ABHD2: variants seen among roughly 807,000 people sequenced by gnomAD.
ABHD2 encodes the protein abhydrolase domain containing 2, acylglycerol lipase, also known as monoacylglycerol lipase ABHD2.
Under a neutral mutation model 48.1 loss-of-function variants are expected in ABHD2, and 20 were observed. The ratio of observed to expected loss-of-function variants is 0.42; its 90% CI spans 0.29 to 0.60. ABHD2 has a LOEUF of 0.60. Among genes scored for constraint, ABHD2 ranks in the 20% least tolerant of loss-of-function variants. The pLI is 0.24. For missense variants in ABHD2, 405 were observed against 550.9 expected (o/e 0.74, Z 2.65); for synonymous variants, 209 against 214.2 (o/e 0.98, Z 0.21).
intron 2 of ABHD2, among the ~76,000 whole-genome samples, chr15:89,115,437 A>T (rs1303096091): frequency 6.9e-6 from 1 of 144,916 alleles, no homozygotes; most frequent in East Asian, 2.1e-4. Flanking sequence ...TGTGTTTTGT[A>T]TATAAGGTAA....
the ABHD2 span, among the ~76,000 whole-genome samples, chr15:89,043,625 AAGGAGG>A: frequency 2.3e-5 from 3 of 131,038 alleles, no homozygotes; most frequent in Non-Finnish European, 4.9e-5. Flanking sequence ...GAGGAGGCGG[AAGGAGG>A]AGGAGGAGGA....
chr15:89,100,867 C>CA lies in ABHD2; in HGVS notation c.-107+12313dup, dbSNP rs965830799. ...TGGGCCACAGTGAGAGACTCCATCT[C>CA]AAAAAAAAAGGAACCTTATTTTATA... On this transcript the variant is annotated intron_variant, in intron 1 of 10. Coordinates refer to ENST00000352732, the MANE Select transcript of ABHD2 (RefSeq NM_152924.5). The surrounding 1 kb of genome is among the most constrained non-coding windows in gnomAD (Gnocchi z 4.4). Among the ~76,000 whole-genome samples the CA allele has an allele frequency of 6.0e-5, 9 of 148,842 alleles. No individual in the cohort carries two copies. Among genetic ancestry groups the CA allele is most frequent in the Admixed American group, 3.3e-4 (5 of 15,032 alleles).
Position 89,195,105 on chromosome 15 carries a change from T to C in ABHD2, c.1082-122T>C, listed in dbSNP as rs1204952126. On this transcript the variant is annotated intron_variant, in intron 10 of 10. Coordinates refer to ENST00000352732, the MANE Select transcript of ABHD2 (RefSeq NM_152924.5). This position sits in a 1 kb window ranked among gnomAD's most constrained non-coding sequence, Gnocchi z 5.1. ...TGAACAAGGCAGAGTGAGTAGAGGTTGGATGCCCACTTAGGTGACCCTGCG... is the reference window on the plus strand; with the variant it reads ...TGAACAAGGCAGAGTGAGTAGAGGTCGGATGCCCACTTAGGTGACCCTGCG... 2 of 1,072,028 alleles carry C rather than the reference T, an allele frequency of 1.9e-6. No individual in the cohort carries two copies. The highest frequency in any genetic ancestry group is 3.2e-5 in the African/African-American group (2 of 63,142). The allele number at this position is 1,072,028 out of a possible 1,614,324, so 66.4% of individuals were successfully genotyped here.
At chr15:89,042,198 T>C in the ABHD2 span, among the ~76,000 whole-genome samples, 3 of 152,180 alleles carry the variant, frequency 2.0e-5, no homozygotes, top group Non-Finnish European at 2.9e-5. Context: ...CTGAAGAACA[T>C]GCAGCAGCTG....
At position 89,162,302 on chromosome 15, in the gene ABHD2, T is replaced by G. The variant is rs79358400; in HGVS notation, c.538+6768T>G. On this transcript the variant is annotated intron_variant, in intron 5 of 10. Transcript: ENST00000352732. ...CCTGCTTTTTTTCCCATTTTAATTC[T>G]TTTGTTCAATTTAAGATCCAAGTCA... 4.1e-3 allele frequency among the ~76,000 whole-genome samples: 630 copies of G among 152,308 alleles called. 7 individuals carry two copies. The highest frequency in any genetic ancestry group is 0.014 in the African/African-American group (601 of 41,566).
the ABHD2 span, among the ~76,000 whole-genome samples, chr15:89,044,916 C>G: frequency 6.7e-6 from 1 of 150,332 alleles, no homozygotes; most frequent in Non-Finnish European, 1.5e-5. Flanking sequence ...TAATTAGATC[C>G]CATTTGTCAA....
chr15:89,191,017 A>G, intron 8 of ABHD2, 63 bp from the exon 9 acceptor site: 2 of 1,550,824 alleles, frequency 1.3e-6, no homozygotes, highest in African/African-American at 1.4e-5. Flanking sequence ...TCGGCTCAGC[A>G]TTCTGATCTT....
chr15:89,161,153 G>T (rs1392250289), intron 5 of ABHD2, among the ~76,000 whole-genome samples: 2 of 152,080 alleles, frequency 1.3e-5, no homozygotes, highest in Admixed American at 6.6e-5. Flanking sequence ...GGAGTCTAAG[G>T]TATAGCCAAG....
In ABHD2 at chr15:89,097,193, A is replaced by G. The variant is rs875959; in HGVS notation, c.-107+8630A>G. Among the ~76,000 whole-genome samples the G allele has an allele frequency of 0.06, 9,182 of 152,236 alleles. 880 individuals carry two copies. The highest frequency in any genetic ancestry group is 0.21 in the African/African-American group (8,603 of 41,482). ...CTCCAAGCCCCACAAAACCCATCCCAGCTTTAACAATAATCAACTCATAAC... is the reference window on the plus strand; with the variant it reads ...CTCCAAGCCCCACAAAACCCATCCCGGCTTTAACAATAATCAACTCATAAC... On this transcript the variant is annotated intron_variant, in intron 1 of 10. Coordinates refer to ENST00000352732, the MANE Select transcript of ABHD2 (RefSeq NM_152924.5). This position sits in a 1 kb window ranked among gnomAD's most constrained non-coding sequence, Gnocchi z 4.2.
intron 1 of ABHD2, among the ~76,000 whole-genome samples, chr15:89,096,960 G>A (rs1047313690): frequency 3.3e-5 from 5 of 152,188 alleles, no homozygotes; most frequent in South Asian, 2.1e-4. Context: ...GCAGTAGCTG[G>A]CAGCAGCCTC....
the ABHD2 span, among the ~76,000 whole-genome samples, chr15:89,071,675 C>G: frequency 2.0e-5 from 3 of 152,248 alleles, 1 homozygote; most frequent in South Asian, 4.1e-4. Context: ...CTCACATGTT[C>G]CTCATAGACA....
At chr15:89,093,439 G>T (rs577490405) in intron 1 of ABHD2, among the ~76,000 whole-genome samples, 1 of 152,062 alleles carries the variant, frequency 6.6e-6, no homozygotes, top group South Asian at 2.1e-4. Context: ...CCAAAGTGCT[G>T]GGATTACAGA....
At position 89,155,020 on chromosome 15, in the gene ABHD2, T is replaced by C. The variant is rs984478175; in HGVS notation, c.371-347T>C. 3.3e-5 allele frequency among the ~76,000 whole-genome samples: 5 copies of C among 152,254 alleles called. No homozygotes were observed. The highest frequency in any genetic ancestry group is 9.6e-5 in the African/African-American group (4 of 41,472). ...TAAGAGTAATGTTCAGGAACTTCTA[T>C]AGCAATGTGACAGAGTAATTTTATA... On this transcript the variant is annotated intron_variant, in intron 4 of 10. Transcript: ENST00000352732. This position sits in a 1 kb window ranked among gnomAD's most constrained non-coding sequence, Gnocchi z 4.9.
Position 89,091,864 on chromosome 15 carries a change from A to G in ABHD2, c.-107+3301A>G, listed in dbSNP as rs1230314974. On this transcript the variant is annotated intron_variant, in intron 1 of 10. Transcript: ENST00000352732. The surrounding 1 kb of genome is among the most constrained non-coding windows in gnomAD (Gnocchi z 5.5). ...TGAGTTGCTTTAGCCTTTCTGTTTC[A>G]TCTTGGGCTAAGCTATCCCCAGGAA... is the stretch of plus-strand genomic sequence containing the variant. 6.6e-6 allele frequency among the ~76,000 whole-genome samples: 1 copy of G among 152,180 alleles called. No homozygotes were observed. The highest frequency in any genetic ancestry group is 1.5e-5 in the Non-Finnish European group (1 of 68,032).
upstream of ABHD2, chr15:89,082,763 C>G (rs1173511195): frequency 6.6e-6 from 1 of 152,174 alleles, no homozygotes; most frequent in Non-Finnish European, 1.5e-5. This position sits in a 1 kb window ranked among gnomAD's most constrained non-coding sequence, Gnocchi z 4.4. Context: ...AGATGTCTTG[C>G]TCAGTAAAAA....
At chr15:89,133,734 T>A (rs1018016345) in intron 3 of ABHD2, among the ~76,000 whole-genome samples, 2 of 152,218 alleles carry the variant, frequency 1.3e-5, no homozygotes, top group African/African-American at 2.4e-5. Context: ...GCTCTTTATG[T>A]ACTAGGGAAA....
chr15:89,048,620 C>A, the ABHD2 span, among the ~76,000 whole-genome samples: 7 of 152,078 alleles, frequency 4.6e-5, no homozygotes, highest in African/African-American at 1.7e-4. Flanking sequence ...TTTCTCTAAA[C>A]TTCCCTTCTC....
intron 9 of ABHD2, among the ~76,000 whole-genome samples, chr15:89,192,791 C>T (rs1236445130): frequency 1.3e-5 from 2 of 152,180 alleles, no homozygotes; most frequent in African/African-American, 4.8e-5. Context: ...TCAAGCAGTC[C>T]TCCCACCTTG....
At chr15:89,059,454 G>A in the ABHD2 span, among the ~76,000 whole-genome samples, 5 of 152,112 alleles carry the variant, frequency 3.3e-5, no homozygotes, top group Admixed American at 6.6e-5. Flanking sequence ...ATCAAAATTC[G>A]TTAGGTTGAT....
Sources: gnomAD v4.1 joint callset for allele counts (sites outside exome capture counted in the v4.1 genomes callset) on GRCh38, gnomAD v4.1.1 for gene constraint, Gnocchi (gnomAD v3.1) non-coding constraint, MANE v1.5 for transcripts, NCBI Gene and HGNC (gene_info 2026-07-23, HGNC 2026-07-21) for gene names.